Variants in TMOD2 observed in about 807,000 individuals in gnomAD.
TMOD2 encodes the protein tropomodulin 2, also known as tropomodulin-2.
Under a neutral mutation model 39.9 loss-of-function variants are expected in TMOD2, and 22 were observed. The observed-to-expected ratio is 0.55, with a 90% CI of 0.39 to 0.79. The LOEUF (loss-of-function observed/expected upper bound fraction) is 0.79. TMOD2 is among the 30% of genes least tolerant of loss of function. The pLI is 0.00. For missense variants in TMOD2, 386 were observed against 413.3 expected (o/e 0.93, Z 0.57); for synonymous variants, 123 against 146.1 (o/e 0.84, Z 1.14).
chr15:51,800,605 C>A (rs901181312), intron 8 of TMOD2, among the ~76,000 whole-genome samples: 1 of 152,128 alleles, frequency 6.6e-6, no homozygotes, highest in Non-Finnish European at 1.5e-5. Context: ...AACCTCATCA[C>A]CCCTCCTCAG....
chr15:51,795,515 C>T (rs942952436), intron 7 of TMOD2, among the ~76,000 whole-genome samples: 1 of 151,520 alleles, frequency 6.6e-6, no homozygotes, highest in Non-Finnish European at 1.5e-5. Context: ...TTCTTCATCT[C>T]TGGGAAATTT....
chr15:51,783,398 C>T (rs4775979), intron 7 of TMOD2: 3,961 of 152,702 alleles, frequency 0.026, 133 homozygotes, highest in Admixed American at 0.074. Flanking sequence ...AGAAGAATCA[C>T]TTGAACCCGG....
rs2056133930 is a variant in TMOD2, at chr15:51,808,358, T to C, written c.1022-62T>C. 5 of 1,370,048 alleles carry C rather than the reference T, an allele frequency of 3.6e-6. No homozygotes were observed. The Admixed American group carries it at 8.8e-5, about 24-fold the overall frequency. The allele number at this position is 1,370,048 out of a possible 1,614,324, so 84.9% of individuals were successfully genotyped here. A position where few individuals can be genotyped will look rare whatever the true frequency, so the allele number is the denominator to read the frequency against. On this transcript the variant is annotated intron_variant, in intron 9 of 9. Transcript: ENST00000249700. ...TGTCATCTTATGTGATTAATGTTGT[T>C]TATCTGGAATTTAAGGAATATCCCT...
At chr15:51,759,762 C>T (rs895427595) in intron 1 of TMOD2, among the ~76,000 whole-genome samples, 2 of 152,100 alleles carry the variant, frequency 1.3e-5, no homozygotes, top group Non-Finnish European at 2.9e-5. Context: ...GGGATACACT[C>T]GAGTAACTTG....
chr15:51,797,500 A>G (rs148778799), intron 7 of TMOD2, among the ~76,000 whole-genome samples: 141 of 152,284 alleles, frequency 9.3e-4, no homozygotes, highest in African/African-American at 3.3e-3. Flanking sequence ...TATTTCAGCA[A>G]TTCCTCAAGA....
intron 1 of TMOD2, among the ~76,000 whole-genome samples, 159 bp downstream of exon 1, chr15:51,751,871 T>TCGCCTCTCGCCTCC (rs2055706219): frequency 1.4e-5 from 2 of 147,424 alleles, no homozygotes; most frequent in Admixed American, 1.3e-4. Context: ...GGGCCGCCTC[T>TCGCCTCTCGCCTCC]CGCCTCTCGC....
At chr15:51,764,299 A>G (rs2055801289) in intron 1 of TMOD2, among the ~76,000 whole-genome samples, 1 of 152,176 alleles carries the variant, frequency 6.6e-6, no homozygotes, top group African/African-American at 2.4e-5. Flanking sequence ...CCTGGGCAAC[A>G]GAGGGAGACC....
chr15:51,778,037 C>T (rs1304521350), intron 5 of TMOD2, among the ~76,000 whole-genome samples: 1 of 151,298 alleles, frequency 6.6e-6, no homozygotes, highest in Non-Finnish European at 1.5e-5. Flanking sequence ...CACATGCACA[C>T]GTATGTTTAT....
At chr15:51,803,577 G>C (rs1424820363) in intron 8 of TMOD2, among the ~76,000 whole-genome samples, 1 of 152,218 alleles carries the variant, frequency 6.6e-6, no homozygotes, top group Non-Finnish European at 1.5e-5. Flanking sequence ...AAATCAGGAA[G>C]AGTAGAGAGG....
At chr15:51,762,452 C>A (rs965987690) in intron 1 of TMOD2, among the ~76,000 whole-genome samples, 1 of 152,038 alleles carries the variant, frequency 6.6e-6, no homozygotes, top group Non-Finnish European at 1.5e-5. Context: ...AGACTGAGAC[C>A]GTGTCTCAAA....
chr15:51,778,340 G>T (rs1191374674), intron 5 of TMOD2, among the ~76,000 whole-genome samples: 2 of 96,836 alleles, frequency 2.1e-5, no homozygotes, highest in Admixed American at 1.5e-4. Context: ...CTGTTGTGGG[G>T]TGGGGGGAGG....
intron 4 of TMOD2, among the ~76,000 whole-genome samples, chr15:51,774,673 G>C (rs1280950076): frequency 6.6e-6 from 1 of 152,034 alleles, no homozygotes; most frequent in Non-Finnish European, 1.5e-5. Context: ...ACTTAATATT[G>C]ACCATATTGA....
chr15:51,762,949 A>G (rs1283093593), intron 1 of TMOD2, among the ~76,000 whole-genome samples: 4 of 151,924 alleles, frequency 2.6e-5, no homozygotes, highest in African/African-American at 9.7e-5. Flanking sequence ...TTATTTATTT[A>G]TTTAGGGACA....
intron 1 of TMOD2, among the ~76,000 whole-genome samples, chr15:51,762,074 G>A (rs1158729765): frequency 1.3e-5 from 2 of 151,574 alleles, no homozygotes; most frequent in Non-Finnish European, 1.5e-5. Context: ...GCATGAACCC[G>A]GGAGGTGGAG....
intron 1 of TMOD2, among the ~76,000 whole-genome samples, chr15:51,752,302 G>A (rs1175174332): frequency 3.9e-5 from 6 of 152,188 alleles, no homozygotes; most frequent in Admixed American, 3.9e-4. Flanking sequence ...ATTGTAGTAT[G>A]TGCTCCCTTG....
chr15:51,800,360 T>A (rs2056079337), intron 8 of TMOD2, among the ~76,000 whole-genome samples: 1 of 151,982 alleles, frequency 6.6e-6, no homozygotes, highest in African/African-American at 2.4e-5. Flanking sequence ...CATGATGAAA[T>A]CCCATATCTG....
At chr15:51,781,805 A>G (rs2055932232) in intron 6 of TMOD2, among the ~76,000 whole-genome samples, 1 of 98,684 alleles carries the variant, frequency 1.0e-5, no homozygotes, top group Non-Finnish European at 2.3e-5. Flanking sequence ...AAAGAGTAGG[A>G]GAGAGAGAGA....
At chr15:51,757,294 C>G (rs992532816) in intron 1 of TMOD2, among the ~76,000 whole-genome samples, 2 of 148,478 alleles carry the variant, frequency 1.3e-5, no homozygotes, top group Non-Finnish European at 3.0e-5. Context: ...CCCAGCTTCT[C>G]GGGAGGCTGA....
Position 51,773,744 on chromosome 15 carries a change from G to A in TMOD2, c.316G>A (p.Glu106Lys), listed in dbSNP as rs1267508887. The change falls in exon 4 of 10, where the codon GAA becomes AAA. Residue 106 changes from glutamate (E) to lysine (K), a missense_variant. Coordinates refer to ENST00000249700, the MANE Select transcript of TMOD2 (RefSeq NM_014548.4). ...CTTTATCCCTAAAGAAAAGCCTATA[G>A]AAACTCGTAAAGAAGAAAAAGTGAC... is the stretch of plus-strand genomic sequence containing the variant. The part of the protein sequence containing the change: ...RVFIPKEKPI[E>K]TRKEEKVTLD... The A allele has an allele frequency of 3.7e-6, 6 of 1,612,594 alleles. No individual in the cohort carries two copies. The highest frequency in any genetic ancestry group is 5.1e-6 in the Non-Finnish European group (6 of 1,179,530).
Sources: allele counts gnomAD v4.1 joint callset (sites outside exome capture counted in the v4.1 genomes callset), GRCh38; gene constraint gnomAD v4.1.1; transcripts MANE v1.5; gene names NCBI Gene and HGNC (gene_info 2026-07-23, HGNC 2026-07-21).